GTF3C1: variants seen among roughly 807,000 people sequenced by gnomAD.
The protein encoded by GTF3C1 is general transcription factor IIIC subunit 1.
GTF3C1 carries 57 observed loss-of-function variants against 226.7 expected under a neutral mutation model. The observed-to-expected ratio is 0.25, with a 90% CI of 0.20 to 0.31. GTF3C1 has a LOEUF of 0.31. Ranked by LOEUF, GTF3C1 falls within the 10% of genes least tolerant of loss-of-function variation. The pLI is 1.00. For synonymous variants in GTF3C1, 1,090 were observed against 1,084.8 expected (o/e 1.00, Z -0.09); for missense variants, 2,217 against 2,776.1 (o/e 0.80, Z 4.53).
chr16:27,510,680 A>G (rs746738902), intron 7 of GTF3C1, among the ~76,000 whole-genome samples: 5 of 152,168 alleles, frequency 3.3e-5, no homozygotes, highest in Non-Finnish European at 5.9e-5. Context: ...CAACAGCTCA[A>G]TCAGATCCCT....
intron 4 of GTF3C1, 37 bp from the exon 5 acceptor site, chr16:27,533,424 T>C (rs1032177112): frequency 8.9e-7 from 1 of 1,125,658 alleles, no homozygotes; most frequent in African/African-American, 1.5e-5. Context: ...TTTTCAAACC[T>C]GTTGCTGAAG....
chr16:27,519,873 A>G (rs539494691), intron 6 of GTF3C1, among the ~76,000 whole-genome samples: 6 of 152,302 alleles, frequency 3.9e-5, no homozygotes, highest in Admixed American at 3.9e-4. Context: ...TTGGGAGGAC[A>G]AGACAGGAGG....
At chr16:27,536,875 G>C (rs1044124745) in intron 4 of GTF3C1, among the ~76,000 whole-genome samples, 1 of 152,140 alleles carries the variant, frequency 6.6e-6, no homozygotes, top group Non-Finnish European at 1.5e-5. Flanking sequence ...GTGCAGTGAG[G>C]GCTGAGACCT....
At chr16:27,548,504 A>G (rs180703846) in intron 1 of GTF3C1, among the ~76,000 whole-genome samples, 59 of 152,198 alleles carry the variant, frequency 3.9e-4, no homozygotes, top group Admixed American at 2.0e-3. Context: ...CGACCTTGTG[A>G]CCCATCCACC....
chr16:27,465,201 G>C, intron 33 of GTF3C1, 59 bp downstream of exon 33: 1 of 1,502,468 alleles, frequency 6.7e-7, no homozygotes, highest in Non-Finnish European at 9.2e-7. Flanking sequence ...GTGTGCACCT[G>C]GCCTGGGAGC....
chr16:27,464,976 C>A, intron 33 of GTF3C1, 140 bp from the exon 34 acceptor site: 1 of 738,892 alleles, frequency 1.4e-6, no homozygotes, highest in Non-Finnish European at 2.1e-6. Context: ...AGGCCTGGCT[C>A]CTAGCCCCGG....
chr16:27,496,231 G>A (rs2088315147), intron 14 of GTF3C1, among the ~76,000 whole-genome samples: 1 of 152,160 alleles, frequency 6.6e-6, no homozygotes, highest in South Asian at 2.1e-4. Context: ...CTGGCACCAT[G>A]CTTCCTATAC....
At chr16:27,536,110 C>G (rs573994527) in intron 4 of GTF3C1, among the ~76,000 whole-genome samples, 1 of 152,328 alleles carries the variant, frequency 6.6e-6, no homozygotes, top group East Asian at 1.9e-4. Flanking sequence ...CTTATGGTAT[C>G]AATAAATACA....
intron 29 of GTF3C1, among the ~76,000 whole-genome samples, chr16:27,474,938 A>G (rs1272006722): frequency 6.6e-6 from 1 of 152,244 alleles, no homozygotes; most frequent in East Asian, 1.9e-4. Context: ...GTGGTGATTA[A>G]AACAGGAGAA....
At position 27,461,946 on chromosome 16, in the gene GTF3C1, GC is replaced by G; in HGVS notation, c.6117+347del. ...CTCCTAGCTGCCAGAGGAGCTGGAGGCCCCAGGCACACATGGGAGTCAGCCA... is the reference window on the plus strand; with the variant it reads ...CTCCTAGCTGCCAGAGGAGCTGGAGGCCCAGGCACACATGGGAGTCAGCCA... On this transcript the variant is annotated intron_variant, in intron 36 of 36. Coordinates refer to ENST00000356183, the MANE Select transcript of GTF3C1 (RefSeq NM_001520.4). The surrounding 1 kb of genome is among the most constrained non-coding windows in gnomAD (Gnocchi z 5.3). The G allele has an allele frequency of 2.6e-6, 1 of 380,844 alleles. No homozygotes were observed. The highest frequency in any genetic ancestry group is 4.8e-6 in the Non-Finnish European group (1 of 208,962). 23.6% of individuals were successfully genotyped at this position (380,844 alleles called of 1,614,324 possible).
intron 6 of GTF3C1, among the ~76,000 whole-genome samples, chr16:27,513,864 C>T (rs2141414401): frequency 1.3e-5 from 2 of 152,238 alleles, no homozygotes; most frequent in South Asian, 4.1e-4. Context: ...TGGAGCCCAG[C>T]CCTCTAGTAC....
At chr16:27,538,422 A>G in intron 2 of GTF3C1, 66 bp from the exon 3 acceptor site, 2 of 986,324 alleles carry the variant, frequency 2.0e-6, no homozygotes, top group East Asian at 2.6e-5. Context: ...TGAGATAAGA[A>G]AAAGAAATGT....
In GTF3C1 at chr16:27,489,851, AG is replaced by A. The variant is rs2088206953; in HGVS notation, c.3152-109del. 5.2e-6 allele frequency: 6 copies of A among 1,151,462 alleles called. No individual in the cohort carries two copies. The Admixed American group carries it at 1.1e-4, about 21-fold the overall frequency. The allele number at this position is 1,151,462 out of a possible 1,614,324, so 71.3% of individuals were successfully genotyped here. A position where few individuals can be genotyped will look rare whatever the true frequency, so the allele number is the denominator to read the frequency against. ...AAGAGTGGATTCCCTGCCTGTGAAA[AG>A]GCTCCCCGGCCACTGCGGGGGTCTG... On this transcript the variant is annotated intron_variant, in intron 19 of 36. Coordinates refer to ENST00000356183, the MANE Select transcript of GTF3C1 (RefSeq NM_001520.4).
At chr16:27,528,496 T>A (rs2088866206) in intron 6 of GTF3C1, 102 bp downstream of exon 6, 1 of 896,886 alleles carries the variant, frequency 1.1e-6, no homozygotes, top group South Asian at 1.5e-5. Context: ...GAAATCATTA[T>A]GCCACAAGGC....
At chr16:27,541,887 G>A (rs988065649) in intron 2 of GTF3C1, among the ~76,000 whole-genome samples, 1 of 152,062 alleles carries the variant, frequency 6.6e-6, no homozygotes, top group African/African-American at 2.4e-5. Context: ...GTGTGGAACC[G>A]GGTGGTACAT....
rs1183954282 is a variant in GTF3C1, at chr16:27,492,393, C to A, written c.3096G>T (p.Gln1032His). 1 of 1,611,236 alleles carries A rather than the reference C, an allele frequency of 6.2e-7. No individual in the cohort carries two copies. Among genetic ancestry groups the A allele is most frequent in the Admixed American group, 1.7e-5 (1 of 60,002 alleles). ...GGTCAAACCAGTAGTTTTCCACATC[C>A]TGCATTGAGTTCAGGACATAGAGGC... ...ERRLYVLNSMQDVENYWFDLQ... is the reference protein window; with the variant it reads ...ERRLYVLNSMHDVENYWFDLQ... The change falls in exon 19 of 37, where the codon CAG becomes CAT. Residue 1032 changes from glutamine (Q) to histidine (H), a missense_variant. This residue lies in a region of GTF3C1 where 353 missense variants were observed against 411.7 expected (regional missense o/e 0.86). Transcript: ENST00000356183. This position sits in a 1 kb window ranked among gnomAD's most constrained non-coding sequence, Gnocchi z 5.0.
At chr16:27,547,398 T>C (rs1316645394) in intron 1 of GTF3C1, among the ~76,000 whole-genome samples, 1 of 152,166 alleles carries the variant, frequency 6.6e-6, no homozygotes. Flanking sequence ...AAGCTAAATG[T>C]GTCACATGTC....
intron 27 of GTF3C1, 121 bp from the exon 28 acceptor site, chr16:27,478,652 T>G: frequency 1.3e-6 from 1 of 771,944 alleles, no homozygotes; most frequent in Non-Finnish European, 2.4e-6. Context: ...AATGTTAAAC[T>G]CACCAAATGT....
At chr16:27,483,535 T>C (rs2141367762) in intron 25 of GTF3C1, 1 of 457,182 alleles carries the variant, frequency 2.2e-6, no homozygotes, top group Non-Finnish European at 4.4e-6. Context: ...TCCACTCCAC[T>C]AACCTTCACA....
Sources: gnomAD v4.1 joint callset for allele counts (sites outside exome capture counted in the v4.1 genomes callset) on GRCh38, gnomAD v4.1.1 for gene constraint, gnomAD v4.1.1 regional missense constraint, Gnocchi (gnomAD v3.1) non-coding constraint, MANE v1.5 for transcripts, NCBI Gene and HGNC (gene_info 2026-07-23, HGNC 2026-07-21) for gene names.